Variants in CCSER1 observed in about 807,000 individuals in gnomAD.
CCSER1 encodes the protein serine-rich coiled-coil domain-containing protein 1.
In CCSER1, 41 loss-of-function variants were observed where a neutral mutation model predicts 82.0. The ratio of observed to expected loss-of-function variants is 0.50; its 90% CI spans 0.39 to 0.65. CCSER1 has a LOEUF of 0.65. CCSER1 is among the 30% of genes least tolerant of loss of function. The pLI is 0.00. For synonymous variants in CCSER1, 414 were observed against 383.9 expected (o/e 1.08, Z -0.92); for missense variants, 1,119 against 1,064.2 (o/e 1.05, Z -0.72).
chr4:90,852,293 G>A (rs184993555), intron 8 of CCSER1, among the ~76,000 whole-genome samples: 6 of 152,254 alleles, frequency 3.9e-5, no homozygotes, highest in East Asian at 1.9e-4. Flanking sequence ...GTGCATTGGC[G>A]GAATTTACTG....
At chr4:90,138,890 C>T (rs1462202999) in intron 1 of CCSER1, among the ~76,000 whole-genome samples, 1 of 152,114 alleles carries the variant, frequency 6.6e-6, no homozygotes, top group Non-Finnish European at 1.5e-5. Flanking sequence ...GAAATGTTGA[C>T]AAATCTGAGG....
intron 10 of CCSER1, among the ~76,000 whole-genome samples, chr4:91,539,136 C>G (rs376077827): frequency 6.6e-6 from 1 of 152,042 alleles, no homozygotes; most frequent in African/African-American, 2.4e-5. Flanking sequence ...TTATCTCTAG[C>G]TGTTAACTCT....
intron 1 of CCSER1, among the ~76,000 whole-genome samples, chr4:90,176,797 T>A (rs1462366836): frequency 6.6e-6 from 1 of 152,202 alleles, no homozygotes; most frequent in East Asian, 1.9e-4. Flanking sequence ...ATTTTTCCTT[T>A]TGTGTTTTAG....
At chr4:90,475,720 G>A (rs1326712162) in intron 5 of CCSER1, among the ~76,000 whole-genome samples, 2 of 152,166 alleles carry the variant, frequency 1.3e-5, no homozygotes, top group African/African-American at 4.8e-5. Context: ...TCTGGAGGAT[G>A]AGGATACCCC....
chr4:91,358,884 G>T (rs1749051369), intron 10 of CCSER1, among the ~76,000 whole-genome samples: 1 of 152,122 alleles, frequency 6.6e-6, no homozygotes, highest in Non-Finnish European at 1.5e-5. Flanking sequence ...CCACAGGGCA[G>T]GCTTAAGTCA....
intron 5 of CCSER1, among the ~76,000 whole-genome samples, chr4:90,611,455 A>G (rs1785488895): frequency 6.6e-6 from 1 of 151,992 alleles, no homozygotes; most frequent in South Asian, 2.1e-4. Flanking sequence ...GGATTTATTC[A>G]AATCTCAGTT....
At chr4:91,087,896 G>T (rs1723543214) in intron 10 of CCSER1, among the ~76,000 whole-genome samples, 1 of 152,098 alleles carries the variant, frequency 6.6e-6, no homozygotes, top group Admixed American at 6.5e-5. Flanking sequence ...TCTAAGATAA[G>T]AAACTTCAGG....
intron 5 of CCSER1, among the ~76,000 whole-genome samples, chr4:90,610,698 A>T (rs1318662912): frequency 2.0e-5 from 3 of 152,218 alleles, no homozygotes; most frequent in African/African-American, 7.2e-5. Flanking sequence ...TATTATGATG[A>T]ACATCATATT....
intron 5 of CCSER1, among the ~76,000 whole-genome samples, chr4:90,477,657 T>A (rs940488793): frequency 4.6e-5 from 7 of 152,090 alleles, no homozygotes; most frequent in Non-Finnish European, 1.0e-4. Context: ...CTCTGGTATA[T>A]TAAGCCCTTT....
At chr4:90,310,668 A>T (rs1382210113) in intron 2 of CCSER1, among the ~76,000 whole-genome samples, 1 of 152,108 alleles carries the variant, frequency 6.6e-6, no homozygotes, top group Admixed American at 6.5e-5. Context: ...CAGGCTAAAG[A>T]ATCATACAGC....
At chr4:90,306,274 C>T (rs114977391) in intron 1 of CCSER1, among the ~76,000 whole-genome samples, 2,366 of 152,032 alleles carry the variant, frequency 0.016, 26 homozygotes, top group Admixed American at 0.023. Flanking sequence ...GAGGTTGATT[C>T]GACAGCATGG....
chr4:90,273,717 G>C (rs1236760802), intron 1 of CCSER1, among the ~76,000 whole-genome samples: 1 of 152,078 alleles, frequency 6.6e-6, no homozygotes, highest in African/African-American at 2.4e-5. Flanking sequence ...CAAAACCTGT[G>C]AAGAATTCTC....
intron 7 of CCSER1, among the ~76,000 whole-genome samples, chr4:90,795,203 C>G (rs1228553409): frequency 4.0e-5 from 6 of 150,988 alleles, no homozygotes; most frequent in Non-Finnish European, 8.8e-5. Context: ...AGAAGAATCA[C>G]TTGAAACCAG....
intron 10 of CCSER1, among the ~76,000 whole-genome samples, chr4:91,097,151 A>G (rs1202641478): frequency 6.6e-6 from 1 of 152,206 alleles, no homozygotes; most frequent in Non-Finnish European, 1.5e-5. Context: ...AACCATCGGT[A>G]TTCTGAATAT....
intron 6 of CCSER1, among the ~76,000 whole-genome samples, chr4:90,709,270 T>C (rs1740022311): frequency 6.6e-6 from 1 of 152,168 alleles, no homozygotes; most frequent in African/African-American, 2.4e-5. Flanking sequence ...AAAATTTTTA[T>C]CTATTTCTCT....
intron 10 of CCSER1, among the ~76,000 whole-genome samples, chr4:91,546,015 G>T (rs919059830): frequency 3.9e-5 from 6 of 151,966 alleles, no homozygotes; most frequent in Non-Finnish European, 7.4e-5. Context: ...ATTGTCAGAT[G>T]TTTTTTCTGC....
intron 8 of CCSER1, among the ~76,000 whole-genome samples, chr4:90,864,568 C>T (rs1314465899): frequency 2.0e-5 from 3 of 151,644 alleles, no homozygotes; most frequent in Non-Finnish European, 4.4e-5. Flanking sequence ...TCTTGGACTT[C>T]CTAGCCTTCA....
intron 7 of CCSER1, among the ~76,000 whole-genome samples, chr4:90,771,588 G>GA (rs1752181874): frequency 3.7e-5 from 5 of 133,728 alleles, no homozygotes; most frequent in South Asian, 4.8e-4. Flanking sequence ...AAAAAGAAAA[G>GA]AAAAAAATGC....
chr4:91,129,018 C>T (rs1428207914), intron 10 of CCSER1, among the ~76,000 whole-genome samples: 1 of 152,066 alleles, frequency 6.6e-6, no homozygotes, highest in African/African-American at 2.4e-5. Flanking sequence ...AATTCAATCA[C>T]TCAGTGAAAG....
Sources: gnomAD v4.1 joint callset for allele counts (sites outside exome capture counted in the v4.1 genomes callset) on GRCh38, gnomAD v4.1.1 for gene constraint, MANE v1.5 for transcripts, NCBI Gene and HGNC (gene_info 2026-07-23, HGNC 2026-07-21) for gene names.